PCGF5: variants seen among roughly 807,000 people sequenced by gnomAD.
The protein encoded by PCGF5 is polycomb group RING finger protein 5.
PCGF5 carries 9 observed loss-of-function variants against 44.3 expected under a neutral mutation model. That is an observed-to-expected ratio of 0.20 (90% CI 0.12 to 0.35). The LOEUF (loss-of-function observed/expected upper bound fraction) is 0.35. PCGF5 is among the 10% of genes least tolerant of loss of function. The pLI is 1.00. For synonymous variants in PCGF5, 95 were observed against 102.5 expected, an observed-to-expected ratio of 0.93 and a Z score of 0.44; for missense variants, 146 against 305.3, an observed-to-expected ratio of 0.48 and a Z score of 3.89.
intron 3 of PCGF5, among the ~76,000 whole-genome samples, chr10:91,245,008 G>A (rs1311044074): frequency 6.6e-6 from 1 of 151,908 alleles, no homozygotes; most frequent in Non-Finnish European, 1.5e-5. Context: ...TCAACATATA[G>A]AAGGTCTTTC....
chr10:91,260,561 A>G (rs1460935351), intron 6 of PCGF5, among the ~76,000 whole-genome samples: 2 of 152,168 alleles, frequency 1.3e-5, no homozygotes, highest in Non-Finnish European at 2.9e-5. Context: ...GAACCAACCC[A>G]AATGTCCAAC....
At chr10:91,187,276 G>C (rs1564628387) in intron 1 of PCGF5, among the ~76,000 whole-genome samples, 1 of 152,122 alleles carries the variant, frequency 6.6e-6, no homozygotes, top group African/African-American at 2.4e-5. Flanking sequence ...ACACTAATGT[G>C]CAAATCGGTT....
chr10:91,166,276 C>G (rs1464208002), intron 1 of PCGF5, among the ~76,000 whole-genome samples: 5 of 152,154 alleles, frequency 3.3e-5, no homozygotes, highest in Non-Finnish European at 7.4e-5. Context: ...TGTGAACTCT[C>G]AGAGGGAAAA....
At chr10:91,260,691 T>C (rs1845880444) in intron 6 of PCGF5, among the ~76,000 whole-genome samples, 1 of 151,872 alleles carries the variant, frequency 6.6e-6, no homozygotes, top group Non-Finnish European at 1.5e-5. Flanking sequence ...ACCATCATTC[T>C]CAGCAAACTA....
intron 2 of PCGF5, among the ~76,000 whole-genome samples, chr10:91,237,757 T>C (rs937958286): frequency 6.7e-6 from 1 of 149,066 alleles, no homozygotes; most frequent in Non-Finnish European, 1.5e-5. Flanking sequence ...AAAAAAAAAA[T>C]TGCATCAGAA....
In PCGF5 at chr10:91,261,468, A is replaced by G. The variant is rs201580698; in HGVS notation, c.573+44A>G. ...AAGCTTGATCATTTTGATAATTCTG[A>G]TTTGAAGTAAAATTCTAACAAAAGT... On this transcript the variant is annotated intron_variant, in intron 7 of 9. Transcript: ENST00000336126. 4.4e-6 allele frequency: 6 copies of G among 1,372,196 alleles called. No homozygotes were observed. In the East Asian group the frequency reaches 1.5e-4, roughly 34 times the overall value. The allele number at this position is 1,372,196 out of a possible 1,614,324, so 85.0% of individuals were successfully genotyped here. A position where few individuals can be genotyped will look rare whatever the true frequency, so the allele number is the denominator to read the frequency against.
chr10:91,271,988 G>T (rs1346818928), intron 9 of PCGF5, among the ~76,000 whole-genome samples: 1 of 152,078 alleles, frequency 6.6e-6, no homozygotes, highest in African/African-American at 2.4e-5. Flanking sequence ...CTCCATATTG[G>T]ATTTTGAGAC....
intron 1 of PCGF5, among the ~76,000 whole-genome samples, chr10:91,166,181 G>A (rs549583375): frequency 2.0e-5 from 3 of 152,320 alleles, no homozygotes; most frequent in South Asian, 2.1e-4. Context: ...AAGAGCTTAA[G>A]TGGTTGGAAG....
chr10:91,269,119 G>A (rs1168608996), intron 8 of PCGF5, among the ~76,000 whole-genome samples: 1 of 152,168 alleles, frequency 6.6e-6, no homozygotes, highest in African/African-American at 2.4e-5. Flanking sequence ...TGTATTTCCA[G>A]CAAACTCCCA....
intron 6 of PCGF5, among the ~76,000 whole-genome samples, chr10:91,259,057 C>T (rs936827793): frequency 6.6e-6 from 1 of 152,022 alleles, no homozygotes; most frequent in Non-Finnish European, 1.5e-5. Context: ...CATATTGGTT[C>T]GTGTTTATTA....
intron 2 of PCGF5, among the ~76,000 whole-genome samples, chr10:91,239,471 A>G (rs898145044): frequency 3.3e-5 from 5 of 152,184 alleles, no homozygotes; most frequent in Non-Finnish European, 5.9e-5. Flanking sequence ...GTTTTGACCA[A>G]TCATTTAAGT....
intron 1 of PCGF5, among the ~76,000 whole-genome samples, chr10:91,193,133 T>G (rs1268937607): frequency 6.6e-6 from 1 of 152,074 alleles, no homozygotes; most frequent in Non-Finnish European, 1.5e-5. Context: ...AAGGAAGGCA[T>G]GTAGCCTTGA....
intron 1 of PCGF5, among the ~76,000 whole-genome samples, chr10:91,197,276 G>A (rs77840037): frequency 7.9e-5 from 12 of 152,180 alleles, no homozygotes; most frequent in Non-Finnish European, 1.3e-4. Context: ...CGAGCTGACT[G>A]TCATGTCCTG....
intron 1 of PCGF5, among the ~76,000 whole-genome samples, chr10:91,170,642 C>A (rs1843587491): frequency 6.6e-6 from 1 of 152,166 alleles, no homozygotes; most frequent in African/African-American, 2.4e-5. Context: ...GCAACAGGAA[C>A]TCTCATTTAT....
rs1453606169 is a variant in PCGF5, at chr10:91,283,732, G to GGA, written c.*5416_*5417insGA. Reference sequence around the variant, plus strand: ...AGTACCAGGGTTCTGCTGCTTTCCTGCATCTGAGCAACACAACAGAGATCA... The same window carrying GGA: ...AGTACCAGGGTTCTGCTGCTTTCCTGGACATCTGAGCAACACAACAGAGATCA... On this transcript the variant is annotated 3_prime_UTR_variant, in exon 10 of 10. Transcript: ENST00000336126. 3 of 152,172 alleles carry GGA rather than the reference G, an allele frequency of 2.0e-5. No homozygotes were observed. Among genetic ancestry groups the GGA allele is most frequent in the African/African-American group, 7.2e-5 (3 of 41,406 alleles). The allele number at this position is 152,172 out of a possible 1,614,324, so 9.4% of individuals were successfully genotyped here.
At chr10:91,263,380 A>G (rs1238855681) in intron 7 of PCGF5, among the ~76,000 whole-genome samples, 2 of 152,174 alleles carry the variant, frequency 1.3e-5, no homozygotes, top group Admixed American at 1.3e-4. Context: ...AAACATTTTG[A>G]GGTCCGTATA....
chr10:91,235,049 G>A (rs1449232695), intron 2 of PCGF5, among the ~76,000 whole-genome samples: 2 of 152,172 alleles, frequency 1.3e-5, no homozygotes, highest in Non-Finnish European at 2.9e-5. Flanking sequence ...CCAAATCCTG[G>A]AATGGGCACC....
chr10:91,264,553 T>G (rs377653920), intron 8 of PCGF5, 33 bp downstream of exon 8: 1 of 1,444,450 alleles, frequency 6.9e-7, no homozygotes, highest in East Asian at 2.3e-5. Flanking sequence ...TATGTGTTTA[T>G]TTAGTTATAT....
At chr10:91,213,988 G>A (rs1314757087) in intron 1 of PCGF5, among the ~76,000 whole-genome samples, 1 of 152,118 alleles carries the variant, frequency 6.6e-6, no homozygotes, top group Non-Finnish European at 1.5e-5. Flanking sequence ...TCTTAATTCA[G>A]TAAGACTCAT....
Sources: allele counts gnomAD v4.1 joint callset (sites outside exome capture counted in the v4.1 genomes callset), GRCh38; gene constraint gnomAD v4.1.1; transcripts MANE v1.5; gene names NCBI Gene and HGNC (gene_info 2026-07-23, HGNC 2026-07-21).